The following STK3 variants were observed in gnomAD, a reference collection of about 807,000 sequenced individuals.
STK3 encodes the protein serine/threonine-protein kinase 3.
In STK3, 41 loss-of-function variants were observed where a neutral mutation model predicts 58.0. That is an observed-to-expected ratio of 0.71 (90% CI 0.55 to 0.92). The LOEUF (loss-of-function observed/expected upper bound fraction) is 0.92, where lower values mean the gene tolerates loss of function less well. Ranked by LOEUF, STK3 falls within the 40% of genes least tolerant of loss-of-function variation. STK3 has a pLI of 0.00. For missense variants in STK3, 479 were observed against 602.7 expected (o/e 0.79, Z 2.15); for synonymous variants, 170 against 191.0 (o/e 0.89, Z 0.91).
chr8:98,675,275 A>C (rs1823116876), intron 6 of STK3, among the ~76,000 whole-genome samples: 1 of 152,220 alleles, frequency 6.6e-6, no homozygotes, highest in Non-Finnish European at 1.5e-5. Context: ...TTGTTATATT[A>C]AAAATATACA....
chr8:98,679,567 G>A (rs1261008767), intron 6 of STK3, among the ~76,000 whole-genome samples: 1 of 152,068 alleles, frequency 6.6e-6, no homozygotes, highest in Non-Finnish European at 1.5e-5. Context: ...TCCCTCAGTA[G>A]AATATAAACT....
chr8:98,349,935 G>A, the STK3 span, among the ~76,000 whole-genome samples: 1 of 152,006 alleles, frequency 6.6e-6, no homozygotes, highest in African/African-American at 2.4e-5. Context: ...TCTCTGACAT[G>A]CCCTGGAGAC....
intron 1 of STK3, among the ~76,000 whole-genome samples, chr8:98,820,172 G>T (rs770729624): frequency 3.9e-5 from 6 of 151,924 alleles, no homozygotes; most frequent in Non-Finnish European, 7.4e-5. Flanking sequence ...CTTTCCATTT[G>T]CGTGAAGGAC....
intron 4 of STK3, among the ~76,000 whole-genome samples, chr8:98,710,209 C>T (rs371163892): frequency 1.2e-3 from 183 of 152,228 alleles, no homozygotes; most frequent in African/African-American, 4.1e-3. Context: ...AAGCTCCCAG[C>T]GTGAGCATTG....
intron 6 of STK3, among the ~76,000 whole-genome samples, chr8:98,639,005 T>C (rs1050861071): frequency 2.6e-5 from 4 of 152,054 alleles, no homozygotes; most frequent in Non-Finnish European, 5.9e-5. Flanking sequence ...AGACATATTA[T>C]GGGAAAGGAT....
chr8:98,657,540 C>T (rs1040145833), intron 6 of STK3, among the ~76,000 whole-genome samples: 6 of 151,910 alleles, frequency 3.9e-5, no homozygotes, highest in African/African-American at 4.8e-5. Flanking sequence ...ATCTTATAAA[C>T]GCCATGAAAA....
chr8:98,846,725 G>C (rs1478099875), intron 3 of STK3, among the ~76,000 whole-genome samples: 1 of 152,028 alleles, frequency 6.6e-6, no homozygotes, highest in Admixed American at 6.6e-5. Flanking sequence ...ATGTATCCAA[G>C]ACCAATCAGG....
intron 6 of STK3, among the ~76,000 whole-genome samples, chr8:98,616,991 C>G (rs1403956164): frequency 2.0e-5 from 3 of 152,108 alleles, no homozygotes; most frequent in Middle Eastern, 3.2e-3. Flanking sequence ...CTCTCCATCC[C>G]AAATCAACAG....
intron 1 of STK3, among the ~76,000 whole-genome samples, chr8:98,447,535 T>C (rs1819003009): frequency 1.3e-5 from 2 of 148,680 alleles, no homozygotes; most frequent in Non-Finnish European, 3.0e-5. Flanking sequence ...GTATATATCG[T>C]ATTGCATATA....
intron 1 of STK3, among the ~76,000 whole-genome samples, chr8:98,914,507 C>G (rs1263654860): frequency 2.0e-5 from 3 of 151,978 alleles, no homozygotes; most frequent in Non-Finnish European, 4.4e-5. Context: ...CTCTCTCTCT[C>G]TCTTCACTCT....
chr8:98,460,563 T>C (rs1311449303), intron 10 of STK3, among the ~76,000 whole-genome samples: 1 of 152,208 alleles, frequency 6.6e-6, no homozygotes, highest in Admixed American at 6.5e-5. Flanking sequence ...TGATATGGTT[T>C]GGCTGTGTCC....
At chr8:98,614,879 G>C (rs188321797) in intron 6 of STK3, among the ~76,000 whole-genome samples, 4 of 152,206 alleles carry the variant, frequency 2.6e-5, no homozygotes, top group African/African-American at 7.2e-5. Flanking sequence ...CAGCTAGGCT[G>C]GGGGAGGGGA....
intron 10 of STK3, among the ~76,000 whole-genome samples, chr8:98,518,434 T>C (rs1825106343): frequency 6.6e-6 from 1 of 152,106 alleles, no homozygotes. Flanking sequence ...TGGATTAAAT[T>C]CTACTAAAGA....
chr8:98,429,067 C>A (rs765435145), intron 3 of STK3: 4 of 1,613,070 alleles, frequency 2.5e-6, no homozygotes, highest in East Asian at 4.5e-5. Context: ...ACCATCCCTG[C>A]CTGCTGGTGG....
intron 3 of STK3, among the ~76,000 whole-genome samples, chr8:98,406,130 A>G (rs764930918): frequency 4.6e-5 from 7 of 152,186 alleles, no homozygotes; most frequent in Non-Finnish European, 1.0e-4. Flanking sequence ...CCAAGGATGT[A>G]TCTTCATTCT....
chr8:98,564,705 A>G (rs145215934), intron 8 of STK3, among the ~76,000 whole-genome samples: 20 of 152,302 alleles, frequency 1.3e-4, no homozygotes, highest in African/African-American at 4.8e-4. Flanking sequence ...CAATGTATAC[A>G]TGTATCAAAA....
chr8:98,454,623 A>T (rs566450203), downstream of STK3: 3 of 152,734 alleles, frequency 2.0e-5, no homozygotes, highest in Admixed American at 2.0e-4. Flanking sequence ...AAAGATACAG[A>T]AACGAAATAT....
At chr8:98,419,424 C>T (rs2131052779) in intron 3 of STK3, among the ~76,000 whole-genome samples, 1 of 152,244 alleles carries the variant, frequency 6.6e-6, no homozygotes, top group Non-Finnish European at 1.5e-5. Context: ...CCAAACCCCT[C>T]CAGCTTCAGT....
intron 6 of STK3, among the ~76,000 whole-genome samples, chr8:98,656,374 T>C (rs967416859): frequency 6.6e-6 from 1 of 151,834 alleles, no homozygotes; most frequent in Non-Finnish European, 1.5e-5. Flanking sequence ...TTAGGAGATA[T>C]ACCTAATGCT....
Sources: gnomAD v4.1 joint callset for allele counts (sites outside exome capture counted in the v4.1 genomes callset) on GRCh38, gnomAD v4.1.1 for gene constraint, MANE v1.5 for transcripts, NCBI Gene and HGNC (gene_info 2026-07-23, HGNC 2026-07-21) for gene names.